Variants in PRKG2 observed in about 807,000 individuals in gnomAD.
PRKG2 encodes protein kinase cGMP-dependent 2.
A neutral mutation model predicts 97.2 loss-of-function variants in PRKG2; 33 were observed. That is an observed-to-expected ratio of 0.34 (90% confidence interval 0.26 to 0.45). The LOEUF (loss-of-function observed/expected upper bound fraction) is 0.45, where lower values mean the gene tolerates loss of function less well. PRKG2 is among the 20% of genes least tolerant of loss of function. The probability of loss-of-function intolerance (pLI) is 1.00; values close to 1 mark genes in which losing one functional copy is unlikely to be tolerated. For missense variants in PRKG2, 638 were observed against 900.0 expected (o/e 0.71, Z 3.73); for synonymous variants, 330 against 321.8 (o/e 1.03, Z -0.27).
chr4:81,186,153 A>C (rs192639393), intron 2 of PRKG2, among the ~76,000 whole-genome samples: 216 of 152,270 alleles, frequency 1.4e-3, no homozygotes, highest in East Asian at 5.8e-4. Flanking sequence ...CTCCACCCCA[A>C]ATCAACAGAA....
At chr4:81,149,895 C>G (rs566054324) in intron 8 of PRKG2, among the ~76,000 whole-genome samples, 1 of 152,152 alleles carries the variant, frequency 6.6e-6, no homozygotes, top group South Asian at 2.1e-4. Flanking sequence ...AGGAAAAACA[C>G]TGGCAGCCCA....
At chr4:81,127,724 T>C (rs1459139060) in intron 14 of PRKG2, among the ~76,000 whole-genome samples, 2 of 152,228 alleles carry the variant, frequency 1.3e-5, no homozygotes, top group Admixed American at 1.3e-4. Context: ...CTTTAGGAGA[T>C]TTTGGGCTGA....
intron 4 of PRKG2, among the ~76,000 whole-genome samples, chr4:81,171,356 T>C (rs1750460375): frequency 6.6e-6 from 1 of 152,186 alleles, no homozygotes; most frequent in Non-Finnish European, 1.5e-5. Flanking sequence ...TTCCTTTTTA[T>C]GGCTGTGTAG....
chr4:81,172,393 T>G (rs1750561623), intron 3 of PRKG2, among the ~76,000 whole-genome samples: 1 of 152,192 alleles, frequency 6.6e-6, no homozygotes, highest in Admixed American at 6.6e-5. Context: ...GGCTGTGTCC[T>G]GATTCAACTC....
intron 4 of PRKG2, among the ~76,000 whole-genome samples, chr4:81,170,410 T>C (rs1459734885): frequency 6.6e-6 from 1 of 152,080 alleles, no homozygotes. Context: ...AAAATCTAGA[T>C]GAAATTGTGG....
intron 5 of PRKG2, among the ~76,000 whole-genome samples, chr4:81,168,281 C>T (rs531686516): frequency 1.3e-5 from 2 of 152,154 alleles, no homozygotes; most frequent in South Asian, 4.1e-4. Context: ...TGTCTCCCCT[C>T]TCTGAAGGCA....
rs1478355961 is a variant in PRKG2, at chr4:81,167,164, T to G, written c.909A>C (p.Glu303Asp). 2 of 1,586,728 alleles carry G rather than the reference T, an allele frequency of 1.3e-6. No homozygotes were observed. The change falls in exon 6 of 19, where the codon GAA (glutamate) becomes GAC (aspartate). Residue 303 changes from glutamate to aspartate, a missense_variant. Around this residue, in one of 3 missense-constraint regions of PRKG2, gnomAD observed 332 missense variants for 421.7 expected, o/e 0.79. Transcript: ENST00000264399. ...DKLTKIIDCL[E>D]VEYYDKGDYI... ...TTTTTACTTCAAAATTTCTTACCAC[T>G]TCCAAGCAGTCAATGATCTTGGTTA...
intron 12 of PRKG2, 130 bp from the exon 13 acceptor site, chr4:81,137,612 C>T: frequency 4.4e-6 from 3 of 680,464 alleles, no homozygotes; most frequent in Non-Finnish European, 7.6e-6. Context: ...CCCACAACTA[C>T]ACTGGGCTTC....
At position 81,151,557 on chromosome 4, in the gene PRKG2, G is replaced by T. The variant is rs114313227; in HGVS notation, c.1085+403C>A. 7.6e-3 allele frequency among the ~76,000 whole-genome samples: 1,162 copies of T among 152,028 alleles called. 20 individuals are homozygous for T. The highest frequency in any genetic ancestry group is 0.027 in the African/African-American group (1,102 of 41,494). ...TTCTTAAGAAAAATACTTTTGACCT[G>T]ATGATTTAAAAGCACACAAAATATA... is the stretch of plus-strand genomic sequence containing the variant. On this transcript the variant is annotated intron_variant, in intron 8 of 18. Transcript: ENST00000264399.
At chr4:81,129,260 T>C (rs752119377) in intron 14 of PRKG2, among the ~76,000 whole-genome samples, 8 of 152,186 alleles carry the variant, frequency 5.3e-5, no homozygotes, top group Non-Finnish European at 1.0e-4. Context: ...AAGTGTGATG[T>C]GGTGCTGAGA....
chr4:81,208,403 T>C (rs1001826760), intron 1 of PRKG2, among the ~76,000 whole-genome samples: 1 of 152,136 alleles, frequency 6.6e-6, no homozygotes. Flanking sequence ...AAACTGGATG[T>C]CTTCCACAAG....
chr4:81,128,860 C>T (rs1745870836), intron 14 of PRKG2, among the ~76,000 whole-genome samples: 1 of 152,042 alleles, frequency 6.6e-6, no homozygotes, highest in Non-Finnish European at 1.5e-5. Context: ...TTCTTGTTTT[C>T]TACTAGCTTT....
chr4:81,193,487 T>A (rs558811103), intron 2 of PRKG2: 1 of 152,252 alleles, frequency 6.6e-6, no homozygotes, highest in African/African-American at 2.4e-5. Context: ...GGGTTAGCTA[T>A]CACCACAATA....
At chr4:81,098,686 C>T (rs1261522112) in intron 17 of PRKG2, among the ~76,000 whole-genome samples, 5 of 151,976 alleles carry the variant, frequency 3.3e-5, no homozygotes, top group South Asian at 2.1e-4. Context: ...AATGGGCCAT[C>T]GATAAAGTCA....
chr4:81,211,877 G>A (rs1246883823), intron 1 of PRKG2, among the ~76,000 whole-genome samples: 1 of 152,070 alleles, frequency 6.6e-6, no homozygotes, highest in African/African-American at 2.4e-5. Flanking sequence ...AATGATAATG[G>A]GCAGTTCAGC....
chr4:81,102,515 AAAAT>A (rs1410605820), intron 17 of PRKG2, among the ~76,000 whole-genome samples: 1 of 152,232 alleles, frequency 6.6e-6, no homozygotes, highest in Non-Finnish European at 1.5e-5. Flanking sequence ...GCGCTGGAAG[AAAAT>A]AAATTAGAAT....
intron 7 of PRKG2, among the ~76,000 whole-genome samples, chr4:81,152,576 G>A (rs886193671): frequency 7.9e-5 from 12 of 152,118 alleles, no homozygotes; most frequent in Non-Finnish European, 5.9e-5. Flanking sequence ...GCAATCTGTT[G>A]CCCAGAAAGG....
intron 2 of PRKG2, among the ~76,000 whole-genome samples, chr4:81,202,827 GGTGTTTT>G (rs1473802949): frequency 6.6e-6 from 1 of 151,956 alleles, no homozygotes; most frequent in Non-Finnish European, 1.5e-5. Flanking sequence ...CCAGGAGCAT[GGTGTTTT>G]GCCTCAAGAT....
At chr4:81,112,089 A>C (rs202113630) in intron 14 of PRKG2, among the ~76,000 whole-genome samples, 1 of 152,148 alleles carries the variant, frequency 6.6e-6, no homozygotes, top group East Asian at 1.9e-4. Context: ...TTAAAATCTT[A>C]ATTTACCTTA....
Sources: gnomAD v4.1 joint callset for allele counts (sites outside exome capture counted in the v4.1 genomes callset) on GRCh38, gnomAD v4.1.1 for gene constraint, gnomAD v4.1.1 regional missense constraint, MANE v1.5 for transcripts, NCBI Gene and HGNC (gene_info 2026-07-23, HGNC 2026-07-21) for gene names.